The following GPC5 variants were observed in gnomAD, a reference collection of about 807,000 sequenced individuals.
The protein encoded by GPC5 is glypican-5.
A neutral mutation model predicts 53.9 loss-of-function variants in GPC5; 47 were observed. The observed-to-expected ratio is 0.87, with a 90% CI of 0.69 to 1.11. The LOEUF (loss-of-function observed/expected upper bound fraction) is 1.11. Among genes scored for constraint, GPC5 ranks in the 50% most tolerant of loss-of-function variants. GPC5 has a pLI of 0.00. For synonymous variants in GPC5, 286 were observed against 263.3 expected (o/e 1.09, Z -0.84); for missense variants, 748 against 713.1 (o/e 1.05, Z -0.56).
intron 1 of GPC5, among the ~76,000 whole-genome samples, chr13:91,440,157 T>G (rs1048504845): frequency 3.3e-5 from 5 of 152,198 alleles, no homozygotes; most frequent in African/African-American, 1.2e-4. Flanking sequence ...TTACAGTAAT[T>G]TTTTCATGGA....
intron 6 of GPC5, among the ~76,000 whole-genome samples, chr13:92,058,887 C>G (rs1036249055): frequency 3.3e-5 from 5 of 152,132 alleles, no homozygotes; most frequent in Non-Finnish European, 5.9e-5. Flanking sequence ...AAGATTGGAG[C>G]AAATGTTAAG....
Position 91,839,940 on chromosome 13 carries a change from T to C in GPC5, c.1281-67997T>C, listed in dbSNP as rs182256452. Among the ~76,000 whole-genome samples, 21 of 152,230 alleles carry C rather than the reference T, an allele frequency of 1.4e-4. No individual in the cohort carries two copies. The East Asian group carries it at 3.7e-3, about 27-fold the overall frequency. On this transcript the variant is annotated intron_variant, in intron 5 of 7. Transcript: ENST00000377067. ...CATCTATCATGGTCTGGAACTTGCTTTTTATAATTACTCTTCTAGATTCTT... is the reference window on the plus strand; with the variant it reads ...CATCTATCATGGTCTGGAACTTGCTCTTTATAATTACTCTTCTAGATTCTT...
intron 7 of GPC5, among the ~76,000 whole-genome samples, chr13:92,584,524 G>A (rs1883473042): frequency 6.6e-6 from 1 of 152,082 alleles, no homozygotes; most frequent in South Asian, 2.1e-4. Flanking sequence ...GTTTTATAAG[G>A]GAAGCAGAAC....
intron 5 of GPC5, among the ~76,000 whole-genome samples, chr13:91,902,915 T>A (rs1198751323): frequency 1.3e-5 from 2 of 151,972 alleles, no homozygotes; most frequent in African/African-American, 2.4e-5. Context: ...CAATGAAAAT[T>A]TGTCTATTGT....
At chr13:92,488,288 A>G (rs186342365) in intron 7 of GPC5, among the ~76,000 whole-genome samples, 55 of 152,342 alleles carry the variant, frequency 3.6e-4, no homozygotes, top group Non-Finnish European at 7.1e-4. Flanking sequence ...AAATCAAAGC[A>G]TAATATTATC....
At chr13:91,750,674 C>CTTTTTTTTT (rs752907631) in intron 4 of GPC5, among the ~76,000 whole-genome samples, 9 of 82,028 alleles carry the variant, frequency 1.1e-4, no homozygotes, top group African/African-American at 3.0e-4. Context: ...TAGGTAAGTC[C>CTTTTTTTTT]TTTTTTTTTT....
At chr13:92,210,440 T>C (rs951198086) in intron 7 of GPC5, among the ~76,000 whole-genome samples, 3 of 152,196 alleles carry the variant, frequency 2.0e-5, no homozygotes, top group African/African-American at 7.2e-5. Context: ...TTTTTAGCAT[T>C]ACTAAAAATA....
intron 7 of GPC5, among the ~76,000 whole-genome samples, chr13:92,510,908 T>C (rs1201829800): frequency 6.6e-6 from 1 of 152,234 alleles, no homozygotes; most frequent in Admixed American, 6.5e-5. Flanking sequence ...AGTTCACTCC[T>C]CTAGGAAATG....
intron 4 of GPC5, among the ~76,000 whole-genome samples, chr13:91,748,064 T>C (rs2037090467): frequency 6.6e-6 from 1 of 152,208 alleles, no homozygotes; most frequent in South Asian, 2.1e-4. Flanking sequence ...ACTCCAGGTG[T>C]ACAGTTTAAA....
At chr13:92,606,676 G>A (rs139470080) in intron 7 of GPC5, among the ~76,000 whole-genome samples, 83 of 152,186 alleles carry the variant, frequency 5.5e-4, no homozygotes, top group African/African-American at 2.0e-3. Context: ...TTAGGATCTG[G>A]TGTCCACATC....
At chr13:91,862,830 T>C (rs192108546) in intron 5 of GPC5, among the ~76,000 whole-genome samples, 2 of 152,274 alleles carry the variant, frequency 1.3e-5, no homozygotes, top group Admixed American at 1.3e-4. Context: ...GAATCATACA[T>C]TGACTTTGAT....
At chr13:91,680,055 A>G (rs2035471707) in intron 2 of GPC5, among the ~76,000 whole-genome samples, 1 of 152,198 alleles carries the variant, frequency 6.6e-6, no homozygotes, top group South Asian at 2.1e-4. Context: ...AAAACAACGT[A>G]CTGTATTTGC....
chr13:92,045,735 C>A lies in GPC5; in HGVS notation c.1402-99095C>A, dbSNP rs116171339. Among the ~76,000 whole-genome samples the A allele has an allele frequency of 4.6e-3, 701 of 152,052 alleles. 8 individuals carry two copies. Among genetic ancestry groups the A allele is most frequent in the African/African-American group, 0.016 (656 of 41,450 alleles). Reference sequence around the variant, plus strand: ...GAAAGAATAAAGTTTCAGGAGGGGCCAGGAAGTGATACAGGAGAACTATGG... The same window carrying A: ...GAAAGAATAAAGTTTCAGGAGGGGCAAGGAAGTGATACAGGAGAACTATGG... On this transcript the variant is annotated intron_variant, in intron 6 of 7. Coordinates refer to ENST00000377067, the MANE Select transcript of GPC5 (RefSeq NM_004466.6).
chr13:92,445,323 ATT>A (rs1566593552), intron 7 of GPC5, among the ~76,000 whole-genome samples: 20 of 88,188 alleles, frequency 2.3e-4, no homozygotes, highest in African/African-American at 9.0e-4. Context: ...ATTTTATTTT[ATT>A]TTATTATACT....
At chr13:92,237,886 T>G (rs895795979) in intron 7 of GPC5, among the ~76,000 whole-genome samples, 7 of 152,122 alleles carry the variant, frequency 4.6e-5, no homozygotes, top group Admixed American at 2.6e-4. Context: ...ATCTGCCTAT[T>G]CTGGATATTT....
chr13:92,461,308 G>A (rs1245589353), intron 7 of GPC5, among the ~76,000 whole-genome samples: 1 of 152,156 alleles, frequency 6.6e-6, no homozygotes, highest in African/African-American at 2.4e-5. Context: ...TTAGGCATGA[G>A]ATTATAATAA....
intron 6 of GPC5, among the ~76,000 whole-genome samples, chr13:92,093,588 C>A (rs1295216682): frequency 2.6e-5 from 4 of 152,084 alleles, no homozygotes; most frequent in Non-Finnish European, 5.9e-5. Context: ...AAATAAATAT[C>A]TGTTTACAAA....
At chr13:92,202,294 C>T (rs1048488081) in intron 7 of GPC5, among the ~76,000 whole-genome samples, 2 of 152,228 alleles carry the variant, frequency 1.3e-5, no homozygotes, top group Non-Finnish European at 1.5e-5. Context: ...ATAGATTTAG[C>T]ATGCAGAACA....
intron 7 of GPC5, among the ~76,000 whole-genome samples, chr13:92,413,373 A>G (rs948171342): frequency 6.6e-6 from 1 of 152,248 alleles, no homozygotes; most frequent in African/African-American, 2.4e-5. Context: ...AATGAAGTGA[A>G]TAAATCAAGA....
Sources: allele counts gnomAD v4.1 joint callset (sites outside exome capture counted in the v4.1 genomes callset), GRCh38; gene constraint gnomAD v4.1.1; transcripts MANE v1.5; gene names NCBI Gene and HGNC (gene_info 2026-07-23, HGNC 2026-07-21).